RIN3: variants seen among roughly 807,000 people sequenced by gnomAD.
The protein encoded by RIN3 is Ras and Rab interactor 3, also known as RAB5 interacting protein 3.
RIN3 carries 54 observed loss-of-function variants against 76.3 expected under a neutral mutation model. That is an observed-to-expected ratio of 0.71 (90% CI 0.57 to 0.89). The LOEUF is 0.89. Among genes scored for constraint, RIN3 ranks in the 40% least tolerant of loss-of-function variants. RIN3 has a pLI of 0.00. For missense variants in RIN3, 1,256 were observed against 1,322.1 expected, an observed-to-expected ratio of 0.95 and a Z score of 0.78; for synonymous variants, 576 against 564.0, an observed-to-expected ratio of 1.02 and a Z score of -0.30.
At chr14:92,638,434 G>T (rs1886857033) in intron 4 of RIN3, among the ~76,000 whole-genome samples, 2 of 152,208 alleles carry the variant, frequency 1.3e-5, no homozygotes. Flanking sequence ...GGATGCTGGG[G>T]TTCGAGTCTG....
chr14:92,688,315 A>C lies in RIN3; in HGVS notation c.*63A>C. The C allele has an allele frequency of 7.1e-7, 1 of 1,416,402 alleles. No individual in the cohort carries two copies. The highest frequency in any genetic ancestry group is 2.5e-5 in the East Asian group (1 of 40,034). The allele number at this position is 1,416,402 out of a possible 1,614,324, so 87.7% of individuals were successfully genotyped here. A position where few individuals can be genotyped will look rare whatever the true frequency, so the allele number is the denominator to read the frequency against. On this transcript the variant is annotated 3_prime_UTR_variant, in exon 10 of 10. Transcript: ENST00000216487. ...CGTCTGGCCCCGCCTCTGGCTGCGC[A>C]CTCCCGACCGCGACGTCCACGCAGC...
At chr14:92,530,094 A>T (rs1435058711) in intron 1 of RIN3, among the ~76,000 whole-genome samples, 1 of 152,228 alleles carries the variant, frequency 6.6e-6, no homozygotes, top group African/African-American at 2.4e-5. Context: ...ATGAATGATG[A>T]GAATCAACTA....
At chr14:92,665,018 A>C (rs1300983980) in intron 7 of RIN3, among the ~76,000 whole-genome samples, 1 of 152,194 alleles carries the variant, frequency 6.6e-6, no homozygotes, top group Non-Finnish European at 1.5e-5. Context: ...TCTGTGGCTG[A>C]ATGATGGAAA....
chr14:92,601,789 C>G (rs1369145101), intron 3 of RIN3, among the ~76,000 whole-genome samples: 4 of 152,316 alleles, frequency 2.6e-5, no homozygotes, highest in South Asian at 2.1e-4. Context: ...ATCTCCCCAG[C>G]CTGGTTTCTC....
At chr14:92,609,564 C>T (rs1885648259) in intron 3 of RIN3, among the ~76,000 whole-genome samples, 1 of 152,162 alleles carries the variant, frequency 6.6e-6, no homozygotes, top group Admixed American at 6.6e-5. Context: ...TGGCCGGCTC[C>T]CTGCCCAGGG....
chr14:92,671,229 C>T (rs1454616641), intron 7 of RIN3, among the ~76,000 whole-genome samples: 1 of 151,942 alleles, frequency 6.6e-6, no homozygotes, highest in Non-Finnish European at 1.5e-5. Flanking sequence ...TCAGTCAAGG[C>T]ATATGGGAGC....
At chr14:92,636,080 C>T (rs771030270) in intron 4 of RIN3, among the ~76,000 whole-genome samples, 8 of 152,074 alleles carry the variant, frequency 5.3e-5, no homozygotes, top group Middle Eastern at 3.2e-3. Context: ...TTCGGAGCTG[C>T]GAGATGAGTG....
intron 3 of RIN3, among the ~76,000 whole-genome samples, chr14:92,604,499 A>C (rs1388820727): frequency 6.6e-6 from 1 of 152,118 alleles, no homozygotes; most frequent in Non-Finnish European, 1.5e-5. Context: ...GTCCCCTCCT[A>C]GCCAGGTGTA....
intron 6 of RIN3, among the ~76,000 whole-genome samples, chr14:92,658,800 A>C (rs979865286): frequency 3.3e-5 from 5 of 152,228 alleles, no homozygotes; most frequent in Non-Finnish European, 7.3e-5. Flanking sequence ...GGCCATCAGC[A>C]TACAGCTGCC....
intron 7 of RIN3, among the ~76,000 whole-genome samples, chr14:92,675,620 G>A (rs377553562): frequency 2.3e-4 from 35 of 152,324 alleles, no homozygotes; most frequent in East Asian, 7.7e-4. Flanking sequence ...GCTGCTCACC[G>A]AAGCTTCATT....
At chr14:92,534,818 G>A (rs1180297733) in intron 1 of RIN3, among the ~76,000 whole-genome samples, 1 of 151,934 alleles carries the variant, frequency 6.6e-6, no homozygotes, top group African/African-American at 2.4e-5. Context: ...TTCATGCCTG[G>A]GTGTCTATTC....
chr14:92,563,958 T>C (rs550370803), intron 2 of RIN3, among the ~76,000 whole-genome samples: 1 of 152,244 alleles, frequency 6.6e-6, no homozygotes, highest in South Asian at 2.1e-4. Flanking sequence ...GGACTGAGGA[T>C]ATGAGGACCT....
At chr14:92,548,482 A>C (rs1322073755) in intron 1 of RIN3, among the ~76,000 whole-genome samples, 2 of 152,078 alleles carry the variant, frequency 1.3e-5, no homozygotes, top group Non-Finnish European at 2.9e-5. Flanking sequence ...GCAGAAATTT[A>C]TTTTCTTGTG....
At chr14:92,667,118 G>A (rs879624438) in intron 7 of RIN3, among the ~76,000 whole-genome samples, 1 of 152,132 alleles carries the variant, frequency 6.6e-6, no homozygotes, top group African/African-American at 2.4e-5. Context: ...GCTCTTGATG[G>A]GGACCCCAGG....
chr14:92,547,531 A>AG (rs1897318344), intron 1 of RIN3, among the ~76,000 whole-genome samples: 1 of 151,138 alleles, frequency 6.6e-6, no homozygotes, highest in Non-Finnish European at 1.5e-5. Flanking sequence ...AGTAGCTGGG[A>AG]CCATAGGTGC....
At position 92,651,693 on chromosome 14, in the gene RIN3, A is replaced by G. The variant is rs3829947; in HGVS notation, c.644A>G (p.His215Arg). Residue 215 changes from histidine to arginine, a missense_variant, in exon 6 of 10, where the codon CAT becomes CGT. Coordinates refer to ENST00000216487, the MANE Select transcript of RIN3 (RefSeq NM_024832.5). ...GTCTCCAGCCTCAGGCCCACAGCCC[A>G]TGACGCAAACTGTGCCTGTGAAATC... ...PLVSSLRPTA[H>R]DANCACEIEL... 0.53 allele frequency: 858,215 copies of G among 1,613,544 alleles called. 232,359 individuals carry two copies. Among genetic ancestry groups the G allele is most frequent in the Middle Eastern group, 0.57 (3,442 of 6,058 alleles).
Position 92,688,260 on chromosome 14 carries a change from C to T in RIN3, c.*8C>T, listed in dbSNP as rs1345443436. On this transcript the variant is annotated 3_prime_UTR_variant, in exon 10 of 10. Coordinates refer to ENST00000216487, the MANE Select transcript of RIN3 (RefSeq NM_024832.5). ...GAGCCCAACTTCCTGTGAGGCCCTC[C>T]CGGGGCGCCTCCCCTCACCCCCAGG... 1.3e-6 allele frequency: 2 copies of T among 1,563,950 alleles called. No individual in the cohort carries two copies. The highest frequency in any genetic ancestry group is 2.3e-5 in the East Asian group (1 of 43,546).
At chr14:92,671,779 G>A (rs563573669) in intron 7 of RIN3, among the ~76,000 whole-genome samples, 1 of 152,286 alleles carries the variant, frequency 6.6e-6, no homozygotes, top group Non-Finnish European at 1.5e-5. Context: ...CTCACCCGTG[G>A]CCCTGTGGAC....
chr14:92,636,092 A>G (rs1214480699), intron 4 of RIN3, among the ~76,000 whole-genome samples: 6 of 152,202 alleles, frequency 3.9e-5, no homozygotes, highest in African/African-American at 9.7e-5. Context: ...AGATGAGTGT[A>G]AGGAAAGTAC....
Sources: gnomAD v4.1 joint callset for allele counts (sites outside exome capture counted in the v4.1 genomes callset) on GRCh38, gnomAD v4.1.1 for gene constraint, MANE v1.5 for transcripts, NCBI Gene and HGNC (gene_info 2026-07-23, HGNC 2026-07-21) for gene names.